NDUFAF7: variants seen among roughly 807,000 people sequenced by gnomAD.
The protein encoded by NDUFAF7 is NADH:ubiquinone oxidoreductase complex assembly factor 7.
In NDUFAF7, 48 loss-of-function variants were observed where a neutral mutation model predicts 47.2. That is an observed-to-expected ratio of 1.02 (90% confidence interval 0.81 to 1.29). The LOEUF (loss-of-function observed/expected upper bound fraction) is 1.29, where lower values mean the gene tolerates loss of function less well. NDUFAF7 is among the 50% of genes most tolerant of loss of function. The pLI is 0.00. For synonymous variants in NDUFAF7, 217 were observed against 190.0 expected (o/e 1.14, Z -1.17); for missense variants, 635 against 537.6 (o/e 1.18, Z -1.79).
At chr2:37,256,981 C>T (rs772469943), downstream of NDUFAF7, 28 of 1,569,414 alleles carry the variant, frequency 1.8e-5, no homozygotes, top group Non-Finnish European at 2.4e-5. Context: ...ATATATGTAA[C>T]TACCTGTCCC....
chr2:37,236,134 A>G lies in NDUFAF7; in HGVS notation c.255A>G (p.Gly85=), dbSNP rs1031410150. The part of the protein sequence containing the change: ...YVYRDMLGEK[G]DFITSPEISQ... Reference sequence around the variant, plus strand: ...ACCGTGACATGCTAGGCGAAAAAGGAGATTTCATTACTTCACCTGAAATAA... The same window carrying G: ...ACCGTGACATGCTAGGCGAAAAAGGGGATTTCATTACTTCACCTGAAATAA... Residue 85 remains glycine (G), a synonymous_variant, in exon 3 of 10, where the codon GGA becomes GGG. Coordinates refer to ENST00000002125, the MANE Select transcript of NDUFAF7 (RefSeq NM_144736.5). 2 of 1,613,274 alleles carry G rather than the reference A, an allele frequency of 1.2e-6. No homozygotes were observed. Among genetic ancestry groups the G allele is most frequent in the African/African-American group, 2.7e-5 (2 of 74,902 alleles).
chr2:37,241,075 C>G (rs1404308884), intron 4 of NDUFAF7, among the ~76,000 whole-genome samples: 1 of 151,990 alleles, frequency 6.6e-6, no homozygotes, highest in Non-Finnish European at 1.5e-5. Flanking sequence ...TTTTCCCTTG[C>G]ATGTTTACAA....
In NDUFAF7 at chr2:37,233,673, G is replaced by A. The variant is rs974225121; in HGVS notation, c.216+1407G>A. 2.0e-5 allele frequency among the ~76,000 whole-genome samples: 3 copies of A among 151,426 alleles called. No homozygotes were observed. The East Asian group carries it at 5.8e-4, about 29-fold the overall frequency. ...TGGTGTTCAGAAGAAAGACTGGGCAGGCATATATACATTTGCTCGTCATCA... is the reference window on the plus strand; with the variant it reads ...TGGTGTTCAGAAGAAAGACTGGGCAAGCATATATACATTTGCTCGTCATCA... On this transcript the variant is annotated intron_variant, in intron 2 of 9. Transcript: ENST00000002125.
At chr2:37,259,689 G>A in the NDUFAF7 span, 52 of 1,586,170 alleles carry the variant, frequency 3.3e-5, no homozygotes, top group Non-Finnish European at 4.5e-5. Context: ...TATCTGTTAT[G>A]AAAAAAGATT....
At chr2:37,254,384 C>T (rs1016020227), downstream of NDUFAF7, 3 of 894,982 alleles carry the variant, frequency 3.4e-6, no homozygotes, top group South Asian at 1.4e-5. Context: ...CATAGAAATA[C>T]AGGGTTGAGG....
At chr2:37,262,680 T>C in the NDUFAF7 span, among the ~76,000 whole-genome samples, 1 of 140,576 alleles carries the variant, frequency 7.1e-6, no homozygotes, top group Admixed American at 7.7e-5. Context: ...TCTATGCTTT[T>C]TCCCCCCTGC....
chr2:37,249,537 G>T (rs954908451), downstream of NDUFAF7, among the ~76,000 whole-genome samples: 1 of 145,102 alleles, frequency 6.9e-6, no homozygotes. Flanking sequence ...AGATTGCTCC[G>T]TTGCACTCTA....
chr2:37,246,284 A>T, intron 8 of NDUFAF7, 89 bp downstream of exon 8: 8 of 1,397,468 alleles, frequency 5.7e-6, no homozygotes, highest in Non-Finnish European at 8.1e-6. Flanking sequence ...AGTGCCTGGT[A>T]TTGTTGTATT....
At chr2:37,248,095 G>A (rs1209663555) in intron 9 of NDUFAF7, 40 bp from the exon 10 acceptor site, 2 of 1,489,536 alleles carry the variant, frequency 1.3e-6, no homozygotes, top group Non-Finnish European at 1.9e-6. Flanking sequence ...TAGGAATCCT[G>A]TCTTCTGGTT....
chr2:37,263,243 T>C, the NDUFAF7 span, among the ~76,000 whole-genome samples: 1 of 152,218 alleles, frequency 6.6e-6, no homozygotes. Context: ...CTAAATATTC[T>C]GAAATTTTGA....
At chr2:37,244,996 A>G (rs1666757615) in intron 7 of NDUFAF7, among the ~76,000 whole-genome samples, 1 of 152,230 alleles carries the variant, frequency 6.6e-6, no homozygotes, top group African/African-American at 2.4e-5. Flanking sequence ...GTAGCCTAAG[A>G]TAGAATGTCA....
chr2:37,249,643 G>GACACACACACACACACACACACAC (rs56208997), downstream of NDUFAF7, among the ~76,000 whole-genome samples: 1,329 of 132,518 alleles, frequency 0.01, 19 homozygotes, highest in East Asian at 0.033. Flanking sequence ...CTGTGATAGA[G>GACACACACACACACACACACACAC]ACACACACAC....
At chr2:37,249,351 G>A (rs1667264999), downstream of NDUFAF7, among the ~76,000 whole-genome samples, 2 of 151,996 alleles carry the variant, frequency 1.3e-5, no homozygotes, top group Admixed American at 6.6e-5. Flanking sequence ...AGTAAATCTT[G>A]ACATGTAGTT....
At chr2:37,252,882 A>G (rs549982491), downstream of NDUFAF7, 132 of 156,640 alleles carry the variant, frequency 8.4e-4, no homozygotes, top group South Asian at 2.6e-3. Context: ...TGGGAAGACA[A>G]ATTAAGTGAG....
At chr2:37,253,067 T>C (rs934667684), downstream of NDUFAF7, 4 of 1,150,186 alleles carry the variant, frequency 3.5e-6, no homozygotes, top group Non-Finnish European at 4.8e-6. Context: ...CGTTATCATA[T>C]TTCTTCATAT....
At chr2:37,237,940 G>T in intron 4 of NDUFAF7, 73 bp downstream of exon 4, 2 of 1,034,868 alleles carry the variant, frequency 1.9e-6, no homozygotes, top group Admixed American at 1.9e-5. Flanking sequence ...AAACCATGTT[G>T]ATTTCATTGG....
Position 37,242,706 on chromosome 2 carries a change from GAA to G in NDUFAF7, c.681+18_681+19del. ...GCATAAATTTCAGGTATTGAGGGGG[GAA>G]AAAAGTCATGTCTATAATTGAATAC... On this transcript the variant is annotated intron_variant, in intron 6 of 9. Coordinates refer to ENST00000002125, the MANE Select transcript of NDUFAF7 (RefSeq NM_144736.5). The G allele has an allele frequency of 6.4e-7, 1 of 1,571,694 alleles. No individual in the cohort carries two copies. Among genetic ancestry groups the G allele is most frequent in the Non-Finnish European group, 8.8e-7 (1 of 1,142,150 alleles).
chr2:37,256,358 G>C (rs954197838), downstream of NDUFAF7, among the ~76,000 whole-genome samples: 12 of 152,262 alleles, frequency 7.9e-5, no homozygotes, highest in African/African-American at 2.9e-4. Flanking sequence ...TGGCAGTAGT[G>C]ACTAGGAAGG....
At chr2:37,241,894 C>T in intron 5 of NDUFAF7, 103 bp downstream of exon 5, 1 of 1,008,530 alleles carries the variant, frequency 9.9e-7, no homozygotes, top group Non-Finnish European at 1.5e-6. Flanking sequence ...TGAGTTACTG[C>T]TGCCAAGTCC....
Sources: allele counts gnomAD v4.1 joint callset (sites outside exome capture counted in the v4.1 genomes callset), GRCh38; gene constraint gnomAD v4.1.1; transcripts MANE v1.5; gene names NCBI Gene and HGNC (gene_info 2026-07-23, HGNC 2026-07-21).